The following SNRNP70 variants were observed in gnomAD, a reference collection of about 807,000 sequenced individuals.
SNRNP70 encodes U1 small nuclear ribonucleoprotein 70 kDa.
In SNRNP70, 8 loss-of-function variants were observed where a neutral mutation model predicts 50.5. The observed-to-expected ratio is 0.16, with a 90% CI of 0.09 to 0.29. SNRNP70 has a LOEUF of 0.29. SNRNP70 is among the 10% of genes least tolerant of loss of function. SNRNP70 has a pLI of 1.00. For missense variants in SNRNP70, 529 were observed against 663.5 expected, an observed-to-expected ratio of 0.80 and a Z score of 2.23; for synonymous variants, 320 against 252.9, an observed-to-expected ratio of 1.27 and a Z score of -2.52.
chr19:49,098,285 G>A, intron 4 of SNRNP70, 142 bp from the exon 5 acceptor site: 3 of 693,994 alleles, frequency 4.3e-6, no homozygotes, highest in African/African-American at 1.8e-5. Flanking sequence ...CCCTGAGGTT[G>A]CCAGGTCACC....
chr19:49,092,386 C>T (rs2040457564), intron 4 of SNRNP70, among the ~76,000 whole-genome samples: 1 of 151,560 alleles, frequency 6.6e-6, no homozygotes, highest in South Asian at 2.1e-4. Flanking sequence ...GGATTATAGG[C>T]ATGAGCCACC....
chr19:49,093,095 TTTTTG>T (rs1403250242), intron 4 of SNRNP70, among the ~76,000 whole-genome samples: 1 of 133,434 alleles, frequency 7.5e-6, no homozygotes, highest in African/African-American at 2.6e-5. Context: ...TGTTTTTCAT[TTTTTG>T]TTTTTTGTTT....
At position 49,107,902 on chromosome 19, in the gene SNRNP70, G is replaced by C. The variant is rs1168585709; in HGVS notation, c.773G>C (p.Arg258Pro). The C allele has an allele frequency of 6.5e-7, 1 of 1,548,574 alleles. No homozygotes were observed. The highest frequency in any genetic ancestry group is 8.7e-7 in the Non-Finnish European group (1 of 1,147,014). ...RDKERERRRSRSRDRRRRSRS... is the reference protein window; with the variant it reads ...RDKERERRRSPSRDRRRRSRS... ...AAGGAGCGAGAACGGCGACGCTCCCGCTCCCGGGACCGGCGGAGGCGCTCA... is the reference window on the plus strand; with the variant it reads ...AAGGAGCGAGAACGGCGACGCTCCCCCTCCCGGGACCGGCGGAGGCGCTCA... Residue 258 changes from arginine to proline, a missense_variant, in exon 10 of 10, where the codon CGC (arginine) becomes CCC (proline). This residue lies in a region of SNRNP70 where 327 missense variants were observed against 308.8 expected (regional missense o/e 1.06). Coordinates refer to ENST00000598441, the MANE Select transcript of SNRNP70 (RefSeq NM_003089.6). The surrounding 1 kb of genome is among the most constrained non-coding windows in gnomAD (Gnocchi z 6.0).
Position 49,107,822 on chromosome 19 carries a change from G to A in SNRNP70, c.693G>A (p.Arg231=). The part of the protein sequence containing the change: ...ERPGPSPLPH[R]DRDRDRERER... ...CCGGCCCCTCCCCGCTTCCGCACAG[G>A]GACCGGGACCGGGACCGTGAGCGGG... The change falls in exon 10 of 10, where the codon AGG becomes AGA. Residue 231 remains arginine (R), a synonymous_variant. Transcript: ENST00000598441. This position sits in a 1 kb window ranked among gnomAD's most constrained non-coding sequence, Gnocchi z 6.0. The A allele has an allele frequency of 6.3e-7, 1 of 1,585,308 alleles. No individual in the cohort carries two copies. The highest frequency in any genetic ancestry group is 8.6e-7 in the Non-Finnish European group (1 of 1,166,188).
rs1460056839 is a variant in SNRNP70, at chr19:49,107,889, C to A, written c.760C>A (p.Arg254=). The change falls in exon 10 of 10, where the codon CGG becomes AGG. Residue 254 remains arginine (R), a synonymous_variant. Transcript: ENST00000598441. This position sits in a 1 kb window ranked among gnomAD's most constrained non-coding sequence, Gnocchi z 6.0. ...CCGGGAGCGAGACAAGGAGCGAGAA[C>A]GGCGACGCTCCCGCTCCCGGGACCG... The part of the protein sequence containing the change: ...RSRERDKERE[R]RRSRSRDRRR... The A allele has an allele frequency of 5.8e-6, 9 of 1,549,870 alleles. No homozygotes were observed. The highest frequency in any genetic ancestry group is 7.8e-6 in the Non-Finnish European group (9 of 1,147,780).
At chr19:49,093,428 C>CA (rs1279953770) in intron 4 of SNRNP70, among the ~76,000 whole-genome samples, 3 of 152,202 alleles carry the variant, frequency 2.0e-5, no homozygotes, top group South Asian at 4.1e-4. Flanking sequence ...CGTGGTGGCT[C>CA]ACGCCTGTAA....
intron 4 of SNRNP70, chr19:49,090,759 G>T (rs1221706216): frequency 1.8e-6 from 1 of 562,114 alleles, no homozygotes; most frequent in Non-Finnish European, 3.2e-6. Context: ...GGCTCCTCCT[G>T]CATGGGAGGA....
intron 4 of SNRNP70, among the ~76,000 whole-genome samples, chr19:49,094,613 G>C (rs2040489771): frequency 6.6e-6 from 1 of 152,124 alleles, no homozygotes; most frequent in Non-Finnish European, 1.5e-5. Context: ...TTAAATGCTT[G>C]AACTTCTCCA....
intron 7 of SNRNP70, chr19:49,102,017 G>C: frequency 1.9e-6 from 1 of 532,106 alleles, no homozygotes; most frequent in South Asian, 1.5e-5. Flanking sequence ...GGCTGCCGCG[G>C]CGTCCACATG....
chr19:49,108,555 T>A lies in SNRNP70; in HGVS notation c.*112T>A. 1 of 1,340,092 alleles carries A rather than the reference T, an allele frequency of 7.5e-7. No individual in the cohort carries two copies. 83.0% of individuals were successfully genotyped at this position (1,340,092 alleles called of 1,614,324 possible). A position where few individuals can be genotyped will look rare whatever the true frequency, so the allele number is the denominator to read the frequency against. On this transcript the variant is annotated 3_prime_UTR_variant, in exon 10 of 10. Transcript: ENST00000598441. ...AGTTTGTCCTCCAAGGGTAGGTGTC[T>A]CATTTGTTCTGGCCCCTTGGATTTA...
intron 4 of SNRNP70, among the ~76,000 whole-genome samples, chr19:49,095,975 CAAAAAA>C (rs11356728): frequency 2.2e-5 from 2 of 91,930 alleles, no homozygotes; most frequent in Non-Finnish European, 4.3e-5. Context: ...TTAGCTGGTG[CAAAAAA>C]AAAAAAAAAA....
chr19:49,098,386 T>G, intron 4 of SNRNP70, 41 bp from the exon 5 acceptor site: 1 of 1,529,874 alleles, frequency 6.5e-7, no homozygotes, highest in South Asian at 1.1e-5. Flanking sequence ...CCTGAGACCA[T>G]GGACACCTTC....
chr19:49,098,787 G>T, intron 6 of SNRNP70, 83 bp downstream of exon 6: 1 of 1,111,886 alleles, frequency 9.0e-7, no homozygotes, highest in South Asian at 1.2e-5. Flanking sequence ...AGAGGTCCCA[G>T]CCCTGAGCAT....
chr19:49,088,407 G>C (rs139463694), intron 2 of SNRNP70, among the ~76,000 whole-genome samples: 2,463 of 150,876 alleles, frequency 0.016, 61 homozygotes, highest in African/African-American at 0.056. Flanking sequence ...CACCGTGTTA[G>C]CCAGGATGGT....
In SNRNP70 at chr19:49,108,290, G is replaced by C. The variant is rs1365967318; in HGVS notation, c.1161G>C (p.Arg387=). The C allele has an allele frequency of 1.9e-6, 3 of 1,574,574 alleles. No individual in the cohort carries two copies. Among genetic ancestry groups the C allele is most frequent in the East Asian group, 2.4e-5 (1 of 42,464 alleles). ...EHKRGERGSE[R]GRDEARGGGG... ...AACGGGGGGAGCGGGGCAGTGAGCG[G>C]GGCAGGGATGAGGCCCGAGGTGGGG... is the stretch of plus-strand genomic sequence containing the variant. The change falls in exon 10 of 10, where the codon CGG becomes CGC. Residue 387 remains arginine, a synonymous_variant. Coordinates refer to ENST00000598441, the MANE Select transcript of SNRNP70 (RefSeq NM_003089.6).
intron 6 of SNRNP70, among the ~76,000 whole-genome samples, chr19:49,100,492 CCTTT>C (rs981657929): frequency 2.0e-5 from 3 of 152,156 alleles, no homozygotes. Flanking sequence ...GTGCACGTGT[CCTTT>C]CTTTTTCCCT....
At chr19:49,106,746 C>T (rs1452707665) in intron 8 of SNRNP70, among the ~76,000 whole-genome samples, 3 of 152,174 alleles carry the variant, frequency 2.0e-5, no homozygotes, top group Non-Finnish European at 4.4e-5. Flanking sequence ...AGATTGTTTC[C>T]CCATCAGAAC....
intron 7 of SNRNP70, chr19:49,102,010 T>C: frequency 4.2e-6 from 2 of 479,356 alleles, no homozygotes; most frequent in Non-Finnish European, 7.5e-6. Flanking sequence ...CCTTTGAGGC[T>C]GCCGCGGCGT....
rs146800967 is a variant in SNRNP70, at chr19:49,108,382, A to C, written c.1253A>C (p.Glu418Ala). ...AGCCGAGACATGTACATGGAGTCTG[A>C]GGGCGGCGACGGCTACCTGGCTCCG... ...NDSRDMYMES[E>A]GGDGYLAPEN... The change falls in exon 10 of 10, where the codon GAG becomes GCG. Residue 418 changes from glutamate to alanine, a missense_variant. Glu to Ala is a moderately radical substitution (Grantham distance 107). Transcript: ENST00000598441. 105 of 1,611,236 alleles carry C rather than the reference A, an allele frequency of 6.5e-5. No homozygotes were observed. The highest frequency in any genetic ancestry group is 8.6e-5 in the Non-Finnish European group (101 of 1,178,918).
Sources: allele counts gnomAD v4.1 joint callset (sites outside exome capture counted in the v4.1 genomes callset), GRCh38; gene constraint gnomAD v4.1.1; regional missense constraint gnomAD v4.1.1; non-coding constraint Gnocchi (gnomAD v3.1); transcripts MANE v1.5; gene names NCBI Gene and HGNC (gene_info 2026-07-23, HGNC 2026-07-21).